The following NARS2 variants were observed in gnomAD, a reference collection of about 807,000 sequenced individuals.
NARS2 encodes asparaginyl-tRNA synthetase 2, mitochondrial.
A neutral mutation model predicts 62.9 loss-of-function variants in NARS2; 60 were observed. The ratio of observed to expected loss-of-function variants is 0.95; its 90% CI spans 0.77 to 1.18. The LOEUF is 1.18. NARS2 is among the 50% of genes most tolerant of loss of function. The probability of loss-of-function intolerance (pLI) is 0.00; values close to 1 mark genes in which losing one functional copy is unlikely to be tolerated. For missense variants in NARS2, 619 were observed against 576.4 expected (o/e 1.07, Z -0.76); for synonymous variants, 196 against 200.0 (o/e 0.98, Z 0.17).
chr11:78,465,901 T>G lies in NARS2; in HGVS notation c.1139A>C (p.Asp380Ala). ...CGTGTGCTGAGGGCCATCTTCATTA[T>G]CCCTCATGTAGAAAGGCTTGAGTGT... ...PLTLKPFYMR[D>A]NEDGPQHTVA... Residue 380 changes from aspartate (D) to alanine (A), a missense_variant, in exon 11 of 14, where the codon GAT (aspartate) becomes GCT (alanine). Asp to Ala is a moderately radical substitution (Grantham distance 126). Transcript: ENST00000281038. The G allele has an allele frequency of 6.2e-7, 1 of 1,614,102 alleles. No homozygotes were observed. The highest frequency in any genetic ancestry group is 8.5e-7 in the Non-Finnish European group (1 of 1,179,972).
At chr11:78,469,749 C>T (rs979029406) in intron 9 of NARS2, among the ~76,000 whole-genome samples, 4 of 148,536 alleles carry the variant, frequency 2.7e-5, no homozygotes, top group African/African-American at 7.4e-5. Context: ...AATGTGCGTG[C>T]GCGCATGTGT....
chr11:78,478,472 T>TTATTTATTA lies in NARS2; in HGVS notation c.924_925insTAATAAATA (p.Asp308_Arg309insTer). The TTATTTATTA allele has an allele frequency of 8.7e-7, 1 of 1,149,356 alleles. No homozygotes were observed. 71.2% of individuals were successfully genotyped at this position (1,149,356 alleles called of 1,614,324 possible). A position where few individuals can be genotyped will look rare whatever the true frequency, so the allele number is the denominator to read the frequency against. ...TTGTTTTTTAGCATATGTTCTAATC[T>TTATTTATTA]GTCCTTAATAAAAAGACAAAAAAGA... On this transcript the variant is annotated stop_gained and inframe_insertion, in exon 9 of 14. Transcript: ENST00000281038. LOFTEE classifies it high-confidence loss of function.
intron 5 of NARS2, among the ~76,000 whole-genome samples, chr11:78,554,216 C>CTA (rs1422622764): frequency 6.6e-6 from 1 of 152,064 alleles, no homozygotes; most frequent in Non-Finnish European, 1.5e-5. Context: ...GCTATCTGGG[C>CTA]TCTTGGCTAT....
intron 11 of NARS2, among the ~76,000 whole-genome samples, chr11:78,461,646 T>G (rs1858402300): frequency 7.2e-6 from 1 of 138,234 alleles, no homozygotes; most frequent in Non-Finnish European, 1.5e-5. Flanking sequence ...ATACCCATCC[T>G]AAAGTTGTTC....
chr11:78,510,335 T>C (rs920985662), intron 6 of NARS2, among the ~76,000 whole-genome samples: 3 of 152,190 alleles, frequency 2.0e-5, no homozygotes, highest in African/African-American at 7.2e-5. Context: ...GTGGCTATAC[T>C]ATTATCAAAC....
chr11:78,457,333 T>A (rs1408890416), intron 11 of NARS2, among the ~76,000 whole-genome samples: 1 of 152,216 alleles, frequency 6.6e-6, no homozygotes, highest in East Asian at 1.9e-4. Context: ...GAAACACACC[T>A]GTCTTATTTT....
At chr11:78,523,874 C>T (rs1212539671) in intron 6 of NARS2, among the ~76,000 whole-genome samples, 1 of 151,990 alleles carries the variant, frequency 6.6e-6, no homozygotes, top group African/African-American at 2.4e-5. Context: ...AGTGATAAAA[C>T]CTTAAAATTA....
In NARS2 at chr11:78,496,746, C is replaced by T. The variant is rs546057329; in HGVS notation, c.690-3551G>A. On this transcript the variant is annotated intron_variant, in intron 6 of 13. Coordinates refer to ENST00000281038, the MANE Select transcript of NARS2 (RefSeq NM_024678.6). ...GAAAATAATGAGAATGATATATTCT[C>T]GTCAATACTTTGTAATCTTTAGCAA... 6.3e-5 allele frequency among the ~76,000 whole-genome samples: 9 copies of T among 143,794 alleles called. No homozygotes were observed. The East Asian group carries it at 1.6e-3, about 26-fold the overall frequency. The allele number at this position is 143,794 out of a possible 152,430, so 94.3% of individuals were successfully genotyped here. A position where few individuals can be genotyped will look rare whatever the true frequency, so the allele number is the denominator to read the frequency against.
At chr11:78,440,314 C>A (rs1857537231) in intron 13 of NARS2, among the ~76,000 whole-genome samples, 1 of 151,716 alleles carries the variant, frequency 6.6e-6, no homozygotes, top group South Asian at 2.1e-4. Context: ...TCCACCCACC[C>A]AGGCCTCCCA....
At chr11:78,558,591 C>T (rs968623388) in intron 5 of NARS2, 3 of 152,114 alleles carry the variant, frequency 2.0e-5, no homozygotes, top group Admixed American at 6.5e-5. Flanking sequence ...ATTATACAAC[C>T]GGCTAATGAT....
chr11:78,558,400 C>CATTA (rs1856440729), intron 5 of NARS2: 2 of 152,188 alleles, frequency 1.3e-5, no homozygotes, highest in Non-Finnish European at 2.9e-5. Flanking sequence ...GCACCACCAC[C>CATTA]ATTATTAAGA....
intron 2 of NARS2, among the ~76,000 whole-genome samples, chr11:78,570,025 C>T (rs751714889): frequency 2.1e-4 from 32 of 152,188 alleles, no homozygotes; most frequent in Non-Finnish European, 4.3e-4. Flanking sequence ...TCTGTCTCTA[C>T]TAAAAATACA....
chr11:78,470,437 T>C (rs1858820659), intron 9 of NARS2, among the ~76,000 whole-genome samples: 2 of 152,196 alleles, frequency 1.3e-5, no homozygotes, highest in Non-Finnish European at 2.9e-5. Flanking sequence ...TAGAGGATTT[T>C]ATTTATACAG....
chr11:78,539,348 G>A (rs1337724628), intron 5 of NARS2, among the ~76,000 whole-genome samples: 2 of 152,132 alleles, frequency 1.3e-5, no homozygotes, highest in Non-Finnish European at 1.5e-5. Flanking sequence ...TGTGAGGTTT[G>A]GGGAGACAGG....
intron 11 of NARS2, among the ~76,000 whole-genome samples, chr11:78,460,402 C>G (rs1565212180): frequency 1.3e-5 from 2 of 151,800 alleles, no homozygotes; most frequent in Non-Finnish European, 2.9e-5. Flanking sequence ...CAACTGTGCC[C>G]AGCCAGGATT....
chr11:78,531,275 G>GTT (rs1861468248), intron 5 of NARS2, among the ~76,000 whole-genome samples: 1 of 151,950 alleles, frequency 6.6e-6, no homozygotes, highest in African/African-American at 2.4e-5. Flanking sequence ...CAGAATATAC[G>GTT]TTTTTTTCAA....
rs1023019830 is a variant in NARS2, at chr11:78,481,061, T to G, written c.823-2378A>C. Among the ~76,000 whole-genome samples the G allele has an allele frequency of 5.3e-5, 8 of 152,272 alleles. No homozygotes were observed. In the South Asian group the frequency reaches 1.2e-3, roughly 24 times the overall value. ...GTCTCTAACTCCTGGCCTCAAGTGA[T>G]CCACCTGCCTCAGTCTCCCAAAGTG... On this transcript the variant is annotated intron_variant, in intron 7 of 13. Transcript: ENST00000281038.
chr11:78,491,351 T>A (rs1859811374), intron 7 of NARS2, among the ~76,000 whole-genome samples: 2 of 151,580 alleles, frequency 1.3e-5, no homozygotes, highest in Non-Finnish European at 1.5e-5. Flanking sequence ...GCGGGAAGTG[T>A]AAAGGGAGCA....
intron 11 of NARS2, among the ~76,000 whole-genome samples, chr11:78,445,495 C>G (rs567415549): frequency 9.9e-5 from 15 of 152,240 alleles, no homozygotes; most frequent in African/African-American, 3.6e-4. Context: ...GTGGCGCATG[C>G]CTGTAGTCCC....
Sources: allele counts gnomAD v4.1 joint callset (sites outside exome capture counted in the v4.1 genomes callset), GRCh38; gene constraint gnomAD v4.1.1; transcripts MANE v1.5; gene names NCBI Gene and HGNC (gene_info 2026-07-23, HGNC 2026-07-21).